OSBPL3: variants seen among roughly 807,000 people sequenced by gnomAD.
OSBPL3 encodes oxysterol binding protein like 3.
OSBPL3 carries 65 observed loss-of-function variants against 120.1 expected under a neutral mutation model. The ratio of observed to expected loss-of-function variants is 0.54; its 90% CI spans 0.44 to 0.67. The LOEUF is 0.67. Among genes scored for constraint, OSBPL3 ranks in the 30% least tolerant of loss-of-function variants. The pLI, the probability that OSBPL3 is intolerant of heterozygous loss-of-function variation, is 0.00. For synonymous variants in OSBPL3, 416 were observed against 402.6 expected, an observed-to-expected ratio of 1.03 and a Z score of -0.40; for missense variants, 1,004 against 1,082.1, an observed-to-expected ratio of 0.93 and a Z score of 1.01.
chr7:24,954,518 A>ACT (rs767410325), intron 1 of OSBPL3, among the ~76,000 whole-genome samples: 2 of 151,814 alleles, frequency 1.3e-5, no homozygotes, highest in African/African-American at 2.4e-5. Context: ...GACAAACAGC[A>ACT]CTCTCTCTAT....
rs980614193 is a variant in OSBPL3 at position 24,922,301 on chromosome 7, A to G, written c.-149-29680T>C. 6.6e-6 allele frequency among the ~76,000 whole-genome samples: 1 copy of G among 152,196 alleles called. No individual in the cohort carries two copies. On this transcript the variant is annotated intron_variant, in intron 1 of 22. Coordinates refer to ENST00000313367, the MANE Select transcript of OSBPL3 (RefSeq NM_015550.4). The surrounding 1 kb of genome is among the most constrained non-coding windows in gnomAD (Gnocchi z 4.3). Reference sequence around the variant, plus strand: ...AGTGAGGGGGACTGGGGAGAGCACAAACTTTCGTGTTAGAAAGGTGGCTTG... The same window carrying G: ...AGTGAGGGGGACTGGGGAGAGCACAGACTTTCGTGTTAGAAAGGTGGCTTG...
chr7:24,974,872 A>G (rs1161825865), intron 1 of OSBPL3, among the ~76,000 whole-genome samples: 1 of 152,180 alleles, frequency 6.6e-6, no homozygotes, highest in East Asian at 1.9e-4. Context: ...ATGACTGGTA[A>G]TGGGTGCAAA....
In OSBPL3 at chr7:24,817,388, G is replaced by A. The variant is rs1490110528; in HGVS notation, c.1949-700C>T. Among the ~76,000 whole-genome samples the A allele has an allele frequency of 6.6e-6, 1 of 152,104 alleles. No individual in the cohort carries two copies. Among genetic ancestry groups the A allele is most frequent in the African/African-American group, 2.4e-5 (1 of 41,394 alleles). ...AAAAATTAGCTGGGCGTTGTGGTGG[G>A]TGCCTGTAGTCCCAGCTGCTCAGGA... is the stretch of plus-strand genomic sequence containing the variant. On this transcript the variant is annotated intron_variant, in intron 17 of 22. Transcript: ENST00000313367. The surrounding 1 kb of genome is among the most constrained non-coding windows in gnomAD (Gnocchi z 4.0).
At chr7:24,980,790 C>G (rs1818254347), upstream of OSBPL3, among the ~76,000 whole-genome samples, 1 of 152,030 alleles carries the variant, frequency 6.6e-6, no homozygotes, top group Non-Finnish European at 1.5e-5. Flanking sequence ...AGATTCGTGC[C>G]GGGGTGATTT....
intron 1 of OSBPL3, among the ~76,000 whole-genome samples, chr7:24,904,921 G>GTA (rs1203365627): frequency 1.2e-5 from 1 of 86,022 alleles, no homozygotes. Context: ...ATATACAGGT[G>GTA]TGTGTGTGTG....
At chr7:24,816,817 G>A (rs56786810) in intron 17 of OSBPL3, 129 bp from the exon 18 acceptor site, 11,160 of 666,908 alleles carry the variant, frequency 0.017, 244 homozygotes, top group African/African-American at 0.082. Context: ...TATTGTATAG[G>A]ATAACTTTTC....
intron 1 of OSBPL3, among the ~76,000 whole-genome samples, chr7:24,948,024 C>T (rs771360586): frequency 3.9e-5 from 6 of 152,042 alleles, no homozygotes; most frequent in East Asian, 1.9e-4. Flanking sequence ...CAAACTAAGA[C>T]GACCTATCAT....
At chr7:24,976,751 T>C (rs1482421992) in intron 1 of OSBPL3, among the ~76,000 whole-genome samples, 2 of 152,208 alleles carry the variant, frequency 1.3e-5, no homozygotes, top group Admixed American at 1.3e-4. Context: ...CCTGGAGTAC[T>C]ACTGAAATAG....
intron 1 of OSBPL3, among the ~76,000 whole-genome samples, chr7:24,915,560 G>A (rs1030559933): frequency 3.3e-5 from 5 of 150,188 alleles, no homozygotes; most frequent in African/African-American, 7.4e-5. Flanking sequence ...AATTCACCAT[G>A]TTGCCCACCA....
intron 1 of OSBPL3, chr7:24,906,332 AG>A: frequency 4.1e-6 from 1 of 241,210 alleles, no homozygotes; most frequent in Non-Finnish European, 8.5e-6. Flanking sequence ...GCATCATACC[AG>A]GGCAAAGAGG....
intron 14 of OSBPL3, among the ~76,000 whole-genome samples, chr7:24,836,985 C>T (rs945537717): frequency 6.6e-6 from 1 of 152,102 alleles, no homozygotes; most frequent in Non-Finnish European, 1.5e-5. Context: ...CAGATGCACA[C>T]CAACATGCCT....
At chr7:24,906,498 T>C (rs139989783) in intron 1 of OSBPL3, 5 of 206,966 alleles carry the variant, frequency 2.4e-5, no homozygotes, top group African/African-American at 9.4e-5. Flanking sequence ...CAGTCTTTCA[T>C]ATTCTCTTTG....
chr7:24,976,584 G>C (rs551896818), intron 1 of OSBPL3, among the ~76,000 whole-genome samples: 16 of 152,210 alleles, frequency 1.1e-4, no homozygotes, highest in African/African-American at 3.9e-4. Context: ...GCTGATGAAT[G>C]TGTAAATTTA....
In OSBPL3 at chr7:24,879,994, C is replaced by T. The variant is rs1205612660; in HGVS notation, c.97-7925G>A. On this transcript the variant is annotated intron_variant, in intron 2 of 22. Coordinates refer to ENST00000313367, the MANE Select transcript of OSBPL3 (RefSeq NM_015550.4). This position sits in a 1 kb window ranked among gnomAD's most constrained non-coding sequence, Gnocchi z 5.6. ...TTTTCTCTCCTCCTAATGCTCTGTT[C>T]GGTAAGCAGGGTCTCTTAGACTATT... Among the ~76,000 whole-genome samples, 4 of 152,096 alleles carry T rather than the reference C, an allele frequency of 2.6e-5. No individual in the cohort carries two copies. Among genetic ancestry groups the T allele is most frequent in the South Asian group, 2.1e-4 (1 of 4,818 alleles).
intron 2 of OSBPL3, among the ~76,000 whole-genome samples, chr7:24,887,114 T>C (rs1282798088): frequency 6.6e-6 from 1 of 152,178 alleles, no homozygotes; most frequent in Non-Finnish European, 1.5e-5. Context: ...GGAAATGACA[T>C]AATTCAAAAG....
rs1469829905 is a variant in OSBPL3 at position 24,855,189 on chromosome 7, T to C, written c.1028-2555A>G. 1.3e-5 allele frequency among the ~76,000 whole-genome samples: 2 copies of C among 152,142 alleles called. No individual in the cohort carries two copies. The highest frequency in any genetic ancestry group is 4.8e-5 in the African/African-American group (2 of 41,434). ...TTAGATAGGCACTATGCCCCTCCCC[T>C]GCCTGCCACACACACAGGATGCCCA... On this transcript the variant is annotated intron_variant, in intron 10 of 22. Transcript: ENST00000313367. This position sits in a 1 kb window ranked among gnomAD's most constrained non-coding sequence, Gnocchi z 4.3.
In OSBPL3 at chr7:24,852,550, G is replaced by A. The variant is rs377730727; in HGVS notation, c.1112C>T (p.Ser371Phe). Residue 371 changes from serine (S) to phenylalanine (F), a missense_variant, in exon 11 of 23, where the codon TCC (serine) becomes TTC (phenylalanine). By Grantham distance (155) the Ser-to-Phe change is radical (BLOSUM62 -2). Coordinates refer to ENST00000313367, the MANE Select transcript of OSBPL3 (RefSeq NM_015550.4). This position sits in a 1 kb window ranked among gnomAD's most constrained non-coding sequence, Gnocchi z 4.1. Reference sequence around the variant, plus strand: ...ACCAATGACCTGAGCAGACGGGGAGGAGGAGGCATCCTGCTCCATCAGCTG... The same window carrying A: ...ACCAATGACCTGAGCAGACGGGGAGAAGGAGGCATCCTGCTCCATCAGCTG... ...LKQLMEQDAS[S>F]SPSAQVIGLK... The A allele has an allele frequency of 8.1e-6, 13 of 1,606,706 alleles. No individual in the cohort carries two copies. Among genetic ancestry groups the A allele is most frequent in the African/African-American group, 6.7e-5 (5 of 74,560 alleles).
At chr7:24,905,959 G>C (rs1807847469) in intron 1 of OSBPL3, among the ~76,000 whole-genome samples, 1 of 152,136 alleles carries the variant, frequency 6.6e-6, no homozygotes, top group South Asian at 2.1e-4. Flanking sequence ...TTGAATCTGG[G>C]AGGCAGATGT....
At chr7:24,832,513 G>A (rs13229906) in intron 15 of OSBPL3, among the ~76,000 whole-genome samples, 50,122 of 101,672 alleles carry the variant, frequency 0.49, 9,834 homozygotes, top group Admixed American at 0.61. Flanking sequence ...CTGCCTCAAA[G>A]AAAAAAAAAA....
Sources: allele counts gnomAD v4.1 joint callset (sites outside exome capture counted in the v4.1 genomes callset), GRCh38; gene constraint gnomAD v4.1.1; non-coding constraint Gnocchi (gnomAD v3.1); transcripts MANE v1.5; gene names NCBI Gene and HGNC (gene_info 2026-07-23, HGNC 2026-07-21).